KIF18A: variants seen among roughly 807,000 people sequenced by gnomAD.
The protein encoded by KIF18A is kinesin family member 18A, also known as kinesin-like protein KIF18A.
A neutral mutation model predicts 103.3 loss-of-function variants in KIF18A; 67 were observed. The observed-to-expected ratio is 0.65, with a 90% CI of 0.53 to 0.79. The LOEUF (loss-of-function observed/expected upper bound fraction) is 0.79. Ranked by LOEUF, KIF18A falls within the 30% of genes least tolerant of loss-of-function variation. KIF18A has a pLI of 0.00. For missense variants in KIF18A, 1,032 were observed against 1,062.5 expected (o/e 0.97, Z 0.40); for synonymous variants, 367 against 355.5 (o/e 1.03, Z -0.36).
chr11:28,086,453 T>C (rs1336646729), intron 6 of KIF18A, among the ~76,000 whole-genome samples: 1 of 152,228 alleles, frequency 6.6e-6, no homozygotes, highest in Non-Finnish European at 1.5e-5. Flanking sequence ...TTGTTTCTGA[T>C]TTTGAAGTAA....
intron 13 of KIF18A, among the ~76,000 whole-genome samples, chr11:28,040,713 T>A (rs1185137372): frequency 1.3e-5 from 2 of 151,672 alleles, no homozygotes; most frequent in African/African-American, 4.8e-5. Flanking sequence ...ATCTCTAGGG[T>A]CTATCTAAGG....
chr11:28,088,041 C>T (rs10734396), intron 6 of KIF18A, among the ~76,000 whole-genome samples: 151,641 of 152,198 alleles, frequency 1, 75,549 homozygotes, highest in Non-Finnish European at 1. Flanking sequence ...GTAAACATTA[C>T]CTTATTAGGT....
intron 15 of KIF18A, among the ~76,000 whole-genome samples, chr11:28,033,807 A>C (rs1212663000): frequency 1.3e-5 from 2 of 151,650 alleles, no homozygotes; most frequent in African/African-American, 4.8e-5. Context: ...CAACAGGGTA[A>C]CTACAGTCAA....
intron 11 of KIF18A, among the ~76,000 whole-genome samples, chr11:28,066,307 A>G (rs1298769043): frequency 6.6e-6 from 1 of 151,966 alleles, no homozygotes; most frequent in Non-Finnish European, 1.5e-5. Context: ...TTAAATGAGA[A>G]ACACTCATTT....
intron 2 of KIF18A, among the ~76,000 whole-genome samples, chr11:28,096,050 T>A (rs1193041678): frequency 1.7e-4 from 24 of 142,986 alleles, no homozygotes; most frequent in Non-Finnish European, 2.9e-4. Flanking sequence ...AAATCCACTC[T>A]GTGAATTACA....
At chr11:28,079,284 T>C (rs1166254843) in intron 9 of KIF18A, among the ~76,000 whole-genome samples, 1 of 152,046 alleles carries the variant, frequency 6.6e-6, no homozygotes, top group Non-Finnish European at 1.5e-5. Context: ...TGGAGAATTC[T>C]AATAGATATC....
At chr11:28,030,605 C>T (rs190466089) in intron 15 of KIF18A, among the ~76,000 whole-genome samples, 1 of 152,026 alleles carries the variant, frequency 6.6e-6, no homozygotes, top group Non-Finnish European at 1.5e-5. Flanking sequence ...CAATACCATT[C>T]AGGACATAGG....
At chr11:28,027,160 A>G (rs188798948) in intron 15 of KIF18A, among the ~76,000 whole-genome samples, 20 of 151,944 alleles carry the variant, frequency 1.3e-4, no homozygotes, top group African/African-American at 3.9e-4. Flanking sequence ...ACATTTAAAA[A>G]GAGTCATTTT....
intron 15 of KIF18A, among the ~76,000 whole-genome samples, chr11:28,033,142 C>T (rs1053008355): frequency 6.6e-6 from 1 of 151,612 alleles, no homozygotes; most frequent in African/African-American, 2.4e-5. Context: ...AAATGTAAAT[C>T]AAAACTACAA....
At chr11:28,102,954 A>G (rs1461237127) in intron 1 of KIF18A, among the ~76,000 whole-genome samples, 1 of 152,206 alleles carries the variant, frequency 6.6e-6, no homozygotes, top group East Asian at 1.9e-4. Context: ...AATATGAAGC[A>G]GCAAAAGAAA....
At chr11:28,063,470 C>T (rs1161498014) in intron 11 of KIF18A, among the ~76,000 whole-genome samples, 1 of 151,944 alleles carries the variant, frequency 6.6e-6, no homozygotes, top group East Asian at 1.9e-4. Context: ...CCATCCTAGG[C>T]AAAAGTGTGA....
intron 13 of KIF18A, among the ~76,000 whole-genome samples, chr11:28,037,848 C>T (rs892992662): frequency 6.6e-5 from 10 of 151,486 alleles, no homozygotes; most frequent in African/African-American, 2.2e-4. Flanking sequence ...ACTATTCTAA[C>T]ATCTGTGTTA....
intron 13 of KIF18A, among the ~76,000 whole-genome samples, chr11:28,058,183 G>C (rs1850806591): frequency 6.6e-6 from 1 of 152,006 alleles, no homozygotes; most frequent in Admixed American, 6.6e-5. Context: ...ATACTTTTAT[G>C]AGAGAAAGAG....
chr11:28,021,378 A>C (rs1850241360), intron 16 of KIF18A, 96 bp from the exon 17 acceptor site: 1 of 1,025,732 alleles, frequency 9.7e-7, no homozygotes, highest in Admixed American at 4.3e-5. Context: ...ATAGAAAGAA[A>C]AATTTACTCT....
intron 9 of KIF18A, among the ~76,000 whole-genome samples, chr11:28,079,963 T>C (rs1851144209): frequency 6.6e-6 from 1 of 152,132 alleles, no homozygotes; most frequent in Non-Finnish European, 1.5e-5. Flanking sequence ...TAGAAACCTC[T>C]CAAAATTCTG....
chr11:28,031,420 C>T (rs889602874), intron 15 of KIF18A, among the ~76,000 whole-genome samples: 1 of 152,082 alleles, frequency 6.6e-6, no homozygotes, highest in Non-Finnish European at 1.5e-5. Flanking sequence ...TCTCAGCAAA[C>T]TATCGCAAGG....
In KIF18A at chr11:28,080,014, AC is replaced by A. The variant is rs566364548; in HGVS notation, c.1262+2841del. Among the ~76,000 whole-genome samples the A allele has an allele frequency of 5.3e-5, 8 of 152,270 alleles. No individual in the cohort carries two copies. The South Asian group carries it at 1.7e-3, about 32-fold the overall frequency. On this transcript the variant is annotated intron_variant, in intron 9 of 16. Coordinates refer to ENST00000263181, the MANE Select transcript of KIF18A (RefSeq NM_031217.4). ...CTGACAGATGTTCATTCAAATAATTACCCATTCAGGCTCAATAAGTAGATTA... is the reference window on the plus strand; with the variant it reads ...CTGACAGATGTTCATTCAAATAATTACCATTCAGGCTCAATAAGTAGATTA...
intron 13 of KIF18A, among the ~76,000 whole-genome samples, chr11:28,051,421 G>T (rs891232983): frequency 6.6e-6 from 1 of 151,806 alleles, no homozygotes; most frequent in Non-Finnish European, 1.5e-5. Context: ...TGGCTGTTAA[G>T]GATGCATTGC....
intron 11 of KIF18A, among the ~76,000 whole-genome samples, chr11:28,068,565 T>C (rs1400890918): frequency 6.6e-6 from 1 of 152,110 alleles, no homozygotes; most frequent in African/African-American, 2.4e-5. Context: ...ATTAGTCTGT[T>C]AGGAATTTTT....
Sources: gnomAD v4.1 joint callset for allele counts (sites outside exome capture counted in the v4.1 genomes callset) on GRCh38, gnomAD v4.1.1 for gene constraint, MANE v1.5 for transcripts, NCBI Gene and HGNC (gene_info 2026-07-23, HGNC 2026-07-21) for gene names.